TAFA1: variants seen among roughly 807,000 people sequenced by gnomAD.
The protein encoded by TAFA1 is TAFA chemokine like family member 1.
TAFA1 carries 4 observed loss-of-function variants against 18.5 expected under a neutral mutation model. The ratio of observed to expected loss-of-function variants is 0.22; its 90% CI spans 0.11 to 0.49. The LOEUF (loss-of-function observed/expected upper bound fraction) is 0.49. Ranked by LOEUF, TAFA1 falls within the 20% of genes least tolerant of loss-of-function variation. TAFA1 has a pLI of 0.98. For synonymous variants in TAFA1, 56 were observed against 55.2 expected, an observed-to-expected ratio of 1.01 and a Z score of -0.06; for missense variants, 147 against 169.0, an observed-to-expected ratio of 0.87 and a Z score of 0.72.
intron 2 of TAFA1, among the ~76,000 whole-genome samples, chr3:68,244,042 G>T (rs2067035827): frequency 6.6e-6 from 1 of 152,114 alleles, no homozygotes. Flanking sequence ...GTCTACTGAG[G>T]TTGAACATCT....
chr3:68,275,056 T>A (rs1295809924), intron 2 of TAFA1, among the ~76,000 whole-genome samples: 6 of 152,122 alleles, frequency 3.9e-5, no homozygotes, highest in Non-Finnish European at 8.8e-5. Flanking sequence ...ATTTTATTTT[T>A]AAAAATTAGT....
intron 3 of TAFA1, among the ~76,000 whole-genome samples, chr3:68,495,616 T>C (rs565298453): frequency 2.0e-5 from 3 of 152,090 alleles, no homozygotes; most frequent in African/African-American, 4.8e-5. Flanking sequence ...GTGGATCAAG[T>C]TGTCATTTAT....
At chr3:67,992,271 T>C in the TAFA1 span, among the ~76,000 whole-genome samples, 1 of 152,220 alleles carries the variant, frequency 6.6e-6, no homozygotes, top group Admixed American at 6.5e-5. Context: ...GGTTGCTTGT[T>C]ATTACAGCAA....
At chr3:68,045,205 A>G (rs1482114565) in intron 2 of TAFA1, among the ~76,000 whole-genome samples, 2 of 152,166 alleles carry the variant, frequency 1.3e-5, no homozygotes, top group East Asian at 3.9e-4. Context: ...TCTCATGGCA[A>G]TGGCAGAGGA....
chr3:68,113,546 C>A (rs970094501), intron 2 of TAFA1, among the ~76,000 whole-genome samples: 1 of 151,992 alleles, frequency 6.6e-6, no homozygotes, highest in African/African-American at 2.4e-5. Flanking sequence ...ATGTTAATAT[C>A]GACACATTTA....
intron 2 of TAFA1, among the ~76,000 whole-genome samples, chr3:68,069,901 C>G (rs1452927246): frequency 1.3e-5 from 2 of 152,198 alleles, no homozygotes; most frequent in Admixed American, 6.5e-5. Flanking sequence ...GGTGGGTTCC[C>G]ATGGTCTTGG....
intron 2 of TAFA1, among the ~76,000 whole-genome samples, chr3:68,217,990 A>G (rs914187238): frequency 6.6e-6 from 1 of 152,110 alleles, no homozygotes; most frequent in Non-Finnish European, 1.5e-5. Context: ...TAAATGCCAT[A>G]TGCTGTGTGC....
intron 2 of TAFA1, among the ~76,000 whole-genome samples, chr3:68,174,495 G>A (rs1220504941): frequency 6.6e-6 from 1 of 152,188 alleles, no homozygotes; most frequent in African/African-American, 2.4e-5. Context: ...TGGAGATGAG[G>A]AACTTGTTGG....
chr3:68,534,913 C>A (rs966835506), intron 3 of TAFA1, among the ~76,000 whole-genome samples: 1 of 152,014 alleles, frequency 6.6e-6, no homozygotes, highest in African/African-American at 2.4e-5. Flanking sequence ...AAAGCTGACC[C>A]CACTGGCGGA....
At chr3:68,459,748 C>T (rs2106918703) in intron 3 of TAFA1, among the ~76,000 whole-genome samples, 1 of 152,278 alleles carries the variant, frequency 6.6e-6, no homozygotes, top group South Asian at 2.1e-4. Context: ...AAGACTTTCA[C>T]TTTAAGATAT....
chr3:68,078,572 G>A (rs1434717221), intron 2 of TAFA1, among the ~76,000 whole-genome samples: 4 of 152,106 alleles, frequency 2.6e-5, no homozygotes, highest in African/African-American at 9.7e-5. Context: ...AGATAATCAT[G>A]TGGTTTTTGT....
chr3:68,230,849 C>G (rs1487006962), intron 2 of TAFA1, among the ~76,000 whole-genome samples: 2 of 152,122 alleles, frequency 1.3e-5, no homozygotes, highest in Non-Finnish European at 2.9e-5. Flanking sequence ...TTGTGGTTTT[C>G]ATTTGCATTT....
chr3:68,379,909 C>T (rs1032136070), intron 2 of TAFA1, among the ~76,000 whole-genome samples: 4 of 152,076 alleles, frequency 2.6e-5, no homozygotes, highest in African/African-American at 9.6e-5. Flanking sequence ...AATGCTATCC[C>T]TTCCCCTTCC....
intron 2 of TAFA1, among the ~76,000 whole-genome samples, chr3:68,344,192 A>C (rs939168937): frequency 1.3e-5 from 2 of 152,196 alleles, no homozygotes; most frequent in Non-Finnish European, 2.9e-5. Context: ...ATTTTATAAT[A>C]TCTCTCAAAT....
At chr3:68,260,727 C>G (rs2067401171) in intron 2 of TAFA1, among the ~76,000 whole-genome samples, 1 of 152,102 alleles carries the variant, frequency 6.6e-6, no homozygotes, top group African/African-American at 2.4e-5. Context: ...ATGTAGAAAG[C>G]TGAAATTGGA....
chr3:68,006,742 C>G lies in TAFA1; in HGVS notation c.116C>G (p.Pro39Arg). ...TTCCAGCAGCATCACCTGCACAGACCAGGTAAGTCAGGAGCTGGCTCCACT... is the reference window on the plus strand; with the variant it reads ...TTCCAGCAGCATCACCTGCACAGACGAGGTAAGTCAGGAGCTGGCTCCACT... ...HTFQQHHLHR[P>R]EGGTCEVIAA... Residue 39 changes from proline (P) to arginine (R), a missense_variant and splice_region_variant, in exon 2 of 5, where the codon CCA becomes CGA. Coordinates refer to ENST00000478136, the MANE Select transcript of TAFA1 (RefSeq NM_213609.4). 4 of 1,608,786 alleles carry G rather than the reference C, an allele frequency of 2.5e-6. No individual in the cohort carries two copies. Among genetic ancestry groups the G allele is most frequent in the Non-Finnish European group, 3.4e-6 (4 of 1,175,096 alleles).
chr3:68,086,927 C>A lies in TAFA1; in HGVS notation c.118+80183C>A, dbSNP rs566107149. Among the ~76,000 whole-genome samples, 176 of 152,140 alleles carry A rather than the reference C, an allele frequency of 1.2e-3. 1 individual carries two copies. The highest frequency in any genetic ancestry group is 2.1e-3 in the Non-Finnish European group (143 of 68,034). ...CATAGGATGTTAGAGCATTATTTTC[C>A]TTGCAACATCGTTTTTTCAAAATGA... On this transcript the variant is annotated intron_variant, in intron 2 of 4. Coordinates refer to ENST00000478136, the MANE Select transcript of TAFA1 (RefSeq NM_213609.4).
At chr3:68,269,227 G>A (rs1575731570) in intron 2 of TAFA1, among the ~76,000 whole-genome samples, 2 of 151,986 alleles carry the variant, frequency 1.3e-5, no homozygotes, top group African/African-American at 4.8e-5. Context: ...GCCATGGCAG[G>A]AGGATTGCTT....
At chr3:68,381,269 A>G (rs1467257919) in intron 2 of TAFA1, among the ~76,000 whole-genome samples, 2 of 151,478 alleles carry the variant, frequency 1.3e-5, no homozygotes, top group Non-Finnish European at 2.9e-5. Flanking sequence ...TTTTGGTTCC[A>G]TATGAACTTT....
Sources: allele counts gnomAD v4.1 joint callset (sites outside exome capture counted in the v4.1 genomes callset), GRCh38; gene constraint gnomAD v4.1.1; transcripts MANE v1.5; gene names NCBI Gene and HGNC (gene_info 2026-07-23, HGNC 2026-07-21).